Variants in ARID1B observed in about 807,000 individuals in gnomAD.
ARID1B encodes the protein AT-rich interactive domain-containing protein 1B.
ARID1B carries 30 observed loss-of-function variants against 212.3 expected under a neutral mutation model. The ratio of observed to expected loss-of-function variants is 0.14; its 90% CI spans 0.11 to 0.19. The LOEUF (loss-of-function observed/expected upper bound fraction) is 0.19. ARID1B is among the 10% of genes least tolerant of loss of function. The pLI, the probability that ARID1B is intolerant of heterozygous loss-of-function variation, is 1.00. For missense variants in ARID1B, 2,891 were observed against 3,204.0 expected, an observed-to-expected ratio of 0.90 and a Z score of 2.36; for synonymous variants, 1,402 against 1,301.7, an observed-to-expected ratio of 1.08 and a Z score of -1.66.
chr6:156,890,376 C>T lies in ARID1B; in HGVS notation c.1987-11000C>T, dbSNP rs187506382. 5.3e-5 allele frequency among the ~76,000 whole-genome samples: 8 copies of T among 152,260 alleles called. No homozygotes were observed. The East Asian group carries it at 1.5e-3, about 29-fold the overall frequency. ...CTTCTAAGTTTTATAAAAAATTTGT[C>T]ACGAAAAAGACTTGTTACTGATAAA... On this transcript the variant is annotated intron_variant, in intron 2 of 19. Transcript: ENST00000636930.
chr6:157,190,626 T>C lies in ARID1B; in HGVS notation c.4231+416T>C, dbSNP rs149410950. Among the ~76,000 whole-genome samples the C allele has an allele frequency of 6.6e-3, 1,004 of 152,306 alleles. 15 individuals are homozygous for C. Among genetic ancestry groups the C allele is most frequent in the African/African-American group, 0.023 (953 of 41,548 alleles). On this transcript the variant is annotated intron_variant, in intron 15 of 19. Coordinates refer to ENST00000636930, the MANE Select transcript of ARID1B (RefSeq NM_001374828.1). The surrounding 1 kb of genome is among the most constrained non-coding windows in gnomAD (Gnocchi z 4.6). ...AGCACGCACTTCACGGCACTTGGCA[T>C]GGTGGTGTGCTAGTGTGCGCTGGGC... is the stretch of plus-strand genomic sequence containing the variant.
intron 4 of ARID1B, among the ~76,000 whole-genome samples, chr6:157,032,964 A>G (rs1442092778): frequency 6.6e-6 from 1 of 152,218 alleles, no homozygotes; most frequent in Admixed American, 6.5e-5. Flanking sequence ...ATAGTCTTCT[A>G]TGTTCGACTA....
chr6:156,867,407 G>A (rs1488615528), intron 2 of ARID1B, among the ~76,000 whole-genome samples: 1 of 152,188 alleles, frequency 6.6e-6, no homozygotes, highest in Non-Finnish European at 1.5e-5. Context: ...CATAAACTGA[G>A]CTGGGAGAAA....
intron 3 of ARID1B, among the ~76,000 whole-genome samples, chr6:156,931,641 A>T (rs972483023): frequency 3.9e-5 from 6 of 152,074 alleles, no homozygotes; most frequent in Admixed American, 3.9e-4. Context: ...AAGTATAGTG[A>T]TACCCCATCT....
chr6:157,068,189 G>A (rs538738703), intron 4 of ARID1B, among the ~76,000 whole-genome samples: 2 of 152,292 alleles, frequency 1.3e-5, no homozygotes, highest in South Asian at 2.1e-4. Context: ...TTATCAATTC[G>A]AGCAAAATTA....
chr6:156,859,263 G>A (rs994486179), intron 2 of ARID1B, among the ~76,000 whole-genome samples: 5 of 151,996 alleles, frequency 3.3e-5, no homozygotes, highest in Non-Finnish European at 7.4e-5. Context: ...ACAGGTGCCC[G>A]CCACCACGTG....
intron 4 of ARID1B, among the ~76,000 whole-genome samples, chr6:157,032,235 T>C (rs924701353): frequency 6.6e-6 from 1 of 152,252 alleles, no homozygotes; most frequent in African/African-American, 2.4e-5. Context: ...TTCTTTACAT[T>C]AACACAGTTA....
At chr6:156,981,960 T>C (rs1468779809) in intron 4 of ARID1B, among the ~76,000 whole-genome samples, 1 of 152,082 alleles carries the variant, frequency 6.6e-6, no homozygotes, top group Non-Finnish European at 1.5e-5. Context: ...TCCATAGTCT[T>C]CACCACAATT....
chr6:157,033,409 C>A (rs1781130279), intron 4 of ARID1B, among the ~76,000 whole-genome samples: 1 of 152,132 alleles, frequency 6.6e-6, no homozygotes, highest in Admixed American at 6.5e-5. Context: ...TAAATTGCAG[C>A]ATAGTTTTGG....
At chr6:156,980,711 A>G (rs562062933) in intron 4 of ARID1B, among the ~76,000 whole-genome samples, 1 of 152,124 alleles carries the variant, frequency 6.6e-6, no homozygotes, top group East Asian at 1.9e-4. Flanking sequence ...GAGTGGAGGG[A>G]CGGCCTTTGA....
intron 2 of ARID1B, among the ~76,000 whole-genome samples, chr6:156,877,906 C>T (rs9397980): frequency 0.28 from 42,603 of 151,494 alleles, 6,166 homozygotes; most frequent in Non-Finnish European, 0.33. Context: ...AGTAGAGACA[C>T]GGTTTTGCCA....
At position 156,950,585 on chromosome 6, in the gene ARID1B, G is replaced by T. The variant is rs1417360820; in HGVS notation, c.2247+15009G>T. ...GATGACATTAAATGAATATGTTGTT[G>T]TGGGCCAGGTGGTATTTTGCGGGGG... On this transcript the variant is annotated intron_variant, in intron 4 of 19. Coordinates refer to ENST00000636930, the MANE Select transcript of ARID1B (RefSeq NM_001374828.1). 3.7e-5 allele frequency among the ~76,000 whole-genome samples: 5 copies of T among 135,908 alleles called. No individual in the cohort carries two copies. The East Asian group carries it at 1.0e-3, about 27-fold the overall frequency. 89.2% of individuals were successfully genotyped at this position (135,908 alleles called of 152,430 possible). A position where few individuals can be genotyped will look rare whatever the true frequency, so the allele number is the denominator to read the frequency against.
intron 6 of ARID1B, among the ~76,000 whole-genome samples, chr6:157,114,912 C>A (rs553623403): frequency 6.6e-6 from 1 of 152,300 alleles, no homozygotes; most frequent in Admixed American, 6.5e-5. Flanking sequence ...TAAGTCCCCC[C>A]AGTTTCAAGT....
chr6:156,906,784 C>T (rs1350929227), intron 3 of ARID1B, among the ~76,000 whole-genome samples: 2 of 152,116 alleles, frequency 1.3e-5, no homozygotes, highest in East Asian at 3.9e-4. Flanking sequence ...TTCCATCTCT[C>T]CATTTGTTGA....
chr6:156,801,859 CTT>C (rs1780815918), intron 1 of ARID1B, among the ~76,000 whole-genome samples: 1 of 152,062 alleles, frequency 6.6e-6, no homozygotes, highest in Admixed American at 6.5e-5. Flanking sequence ...GCAGTTTGAA[CTT>C]TAACCTGTGG....
intron 3 of ARID1B, among the ~76,000 whole-genome samples, chr6:156,905,082 T>C (rs1789253729): frequency 6.6e-6 from 1 of 152,178 alleles, no homozygotes; most frequent in African/African-American, 2.4e-5. Context: ...AATTTATATA[T>C]ATTTTGAATT....
intron 2 of ARID1B, among the ~76,000 whole-genome samples, chr6:156,862,729 CTTG>C (rs997458842): frequency 3.9e-5 from 6 of 152,120 alleles, no homozygotes; most frequent in African/African-American, 9.7e-5. Context: ...GACTGCATGT[CTTG>C]TTGTGTGGGA....
At chr6:156,787,564 G>A (rs1779730077) in intron 1 of ARID1B, among the ~76,000 whole-genome samples, 1 of 152,056 alleles carries the variant, frequency 6.6e-6, no homozygotes, top group Non-Finnish European at 1.5e-5. Flanking sequence ...CATATATCAA[G>A]CTACACACCC....
At chr6:157,191,932 TGAAAAA>T (rs1013107625) in intron 15 of ARID1B, among the ~76,000 whole-genome samples, 1 of 152,144 alleles carries the variant, frequency 6.6e-6, no homozygotes, top group African/African-American at 2.4e-5. Flanking sequence ...TATAGACCAA[TGAAAAA>T]GAACAATGGA....
Sources: gnomAD v4.1 joint callset for allele counts (sites outside exome capture counted in the v4.1 genomes callset) on GRCh38, gnomAD v4.1.1 for gene constraint, Gnocchi (gnomAD v3.1) non-coding constraint, MANE v1.5 for transcripts, NCBI Gene and HGNC (gene_info 2026-07-23, HGNC 2026-07-21) for gene names.